The following CRISPLD2 variants were observed in gnomAD, a reference collection of about 807,000 sequenced individuals.
CRISPLD2 encodes cysteine-rich secretory protein LCCL domain-containing 2.
A neutral mutation model predicts 71.1 loss-of-function variants in CRISPLD2; 47 were observed. The observed-to-expected ratio is 0.66, with a 90% CI of 0.52 to 0.84. The LOEUF is 0.84. CRISPLD2 is among the 40% of genes least tolerant of loss of function. CRISPLD2 has a pLI of 0.00. For synonymous variants in CRISPLD2, 317 were observed against 250.1 expected (o/e 1.27, Z -2.52); for missense variants, 830 against 651.1 (o/e 1.27, Z -2.99).
intron 6 of CRISPLD2, among the ~76,000 whole-genome samples, chr16:84,862,457 G>A (rs1210586844): frequency 6.6e-6 from 1 of 152,108 alleles, no homozygotes; most frequent in Non-Finnish European, 1.5e-5. Context: ...GCCTCCCAAA[G>A]AGCTGGGATT....
intron 4 of CRISPLD2, 43 bp downstream of exon 4, chr16:84,849,560 C>G: frequency 1.3e-6 from 2 of 1,597,840 alleles, no homozygotes; most frequent in Non-Finnish European, 1.7e-6. Flanking sequence ...GCCCCCCAAT[C>G]CCAGTCATTC....
chr16:84,892,542 G>A (rs529725923), intron 14 of CRISPLD2, among the ~76,000 whole-genome samples: 2 of 152,174 alleles, frequency 1.3e-5, no homozygotes, highest in Non-Finnish European at 2.9e-5. Flanking sequence ...GAGTTGTCCA[G>A]TACAGTAGCC....
At position 84,867,035 on chromosome 16, in the gene CRISPLD2, A is replaced by G. The variant is rs1917560198; in HGVS notation, c.848A>G (p.Tyr283Cys). The part of the protein sequence containing the change: ...TKPKKTSAVN[Y>C]MTQVVRCDTK... ...CCCAAGAAAACCTCTGCGGTCAACT[A>G]CATGAGTGAGTCTAGGCCGTCCTCC... The change falls in exon 7 of 15, where the codon TAC becomes TGC. Residue 283 changes from tyrosine to cysteine, a missense_variant. Transcript: ENST00000262424. 6.2e-7 allele frequency: 1 copy of G among 1,614,028 alleles called. No homozygotes were observed. The highest frequency in any genetic ancestry group is 8.5e-7 in the Non-Finnish European group (1 of 1,180,000).
chr16:84,872,951 G>A (rs777641847), intron 9 of CRISPLD2, 41 bp from the exon 10 acceptor site: 2 of 1,575,774 alleles, frequency 1.3e-6, no homozygotes, highest in African/African-American at 2.7e-5. Context: ...GCTGACAGAG[G>A]TTGAGAATGT....
intron 5 of CRISPLD2, among the ~76,000 whole-genome samples, chr16:84,853,574 G>T (rs768804666): frequency 6.6e-6 from 1 of 152,200 alleles, no homozygotes; most frequent in Non-Finnish European, 1.5e-5. Context: ...TTCTGGGGCC[G>T]CGGGAAGTTC....
chr16:84,889,418 C>T (rs2071641938), intron 14 of CRISPLD2, 55 bp downstream of exon 14: 1 of 1,560,980 alleles, frequency 6.4e-7, no homozygotes, highest in Non-Finnish European at 8.7e-7. Flanking sequence ...AATGGTCCCT[C>T]AGGGGGCCTG....
At chr16:84,887,422 G>A (rs769461695) in intron 13 of CRISPLD2, among the ~76,000 whole-genome samples, 7 of 152,214 alleles carry the variant, frequency 4.6e-5, no homozygotes, top group African/African-American at 7.2e-5. Context: ...AGGCAAGACC[G>A]GAGTCCGTCT....
chr16:84,837,433 C>T (rs12445770), intron 1 of CRISPLD2, among the ~76,000 whole-genome samples: 16,752 of 50,140 alleles, frequency 0.33, 1,615 homozygotes, highest in Middle Eastern at 0.47. Flanking sequence ...TTTTTTTTTT[C>T]TGAGACGGAG....
In CRISPLD2 at chr16:84,838,397, C is replaced by T. The variant is rs1403140913; in HGVS notation, c.-74-25C>T. 4.8e-6 allele frequency: 7 copies of T among 1,470,674 alleles called. No individual in the cohort carries two copies. The East Asian group carries it at 1.4e-4, about 29-fold the overall frequency. The allele number at this position is 1,470,674 out of a possible 1,614,324, so 91.1% of individuals were successfully genotyped here. A position where few individuals can be genotyped will look rare whatever the true frequency, so the allele number is the denominator to read the frequency against. On this transcript the variant is annotated intron_variant, in intron 1 of 14. Transcript: ENST00000262424. The stretch of plus-strand genomic sequence containing the variant: ...ACCGGCTCCTACTAATGCGACTTCT[C>T]CCACCACCCTCTGCTTCCTTTCAGA...
intron 14 of CRISPLD2, among the ~76,000 whole-genome samples, chr16:84,896,000 C>T (rs1312018881): frequency 6.6e-6 from 1 of 151,270 alleles, no homozygotes; most frequent in African/African-American, 2.4e-5. Context: ...CCTGAGGGAT[C>T]AATAGAGGGG....
At chr16:84,868,139 C>A (rs1333699037) in intron 7 of CRISPLD2, among the ~76,000 whole-genome samples, 2 of 152,186 alleles carry the variant, frequency 1.3e-5, no homozygotes, top group African/African-American at 4.8e-5. Context: ...TAACTACCAT[C>A]TCCCCTGCCC....
chr16:84,864,302 G>T (rs1199999986), intron 6 of CRISPLD2, among the ~76,000 whole-genome samples: 2 of 152,240 alleles, frequency 1.3e-5, no homozygotes, highest in Non-Finnish European at 2.9e-5. Context: ...ATTTGTGGGT[G>T]TGAGAGCCAG....
intron 6 of CRISPLD2, among the ~76,000 whole-genome samples, chr16:84,866,327 G>A (rs1264606589): frequency 3.3e-5 from 5 of 151,054 alleles, no homozygotes; most frequent in African/African-American, 9.7e-5. Flanking sequence ...TCCACCTACC[G>A]GCTTCAAGCG....
In CRISPLD2 at chr16:84,905,856, C is replaced by A. The variant is rs180845415; in HGVS notation, c.1440-732C>A. Among the ~76,000 whole-genome samples, 11 of 151,810 alleles carry A rather than the reference C, an allele frequency of 7.2e-5. 1 individual carries two copies. The highest frequency in any genetic ancestry group is 7.2e-4 in the Admixed American group (11 of 15,220). ...TCCCGAGTAGCTGGGATTACAGGCGCCTGCCACCACATCCGGCTAATTTTT... is the reference window on the plus strand; with the variant it reads ...TCCCGAGTAGCTGGGATTACAGGCGACTGCCACCACATCCGGCTAATTTTT... On this transcript the variant is annotated intron_variant, in intron 14 of 14. Coordinates refer to ENST00000262424, the MANE Select transcript of CRISPLD2 (RefSeq NM_031476.4).
chr16:84,867,729 G>T (rs1917580575), intron 7 of CRISPLD2, among the ~76,000 whole-genome samples: 1 of 152,160 alleles, frequency 6.6e-6, no homozygotes, highest in Non-Finnish European at 1.5e-5. Context: ...ACTATGCCCA[G>T]CTAATTTTTG....
At chr16:84,881,340 A>T (rs1030496282) in intron 13 of CRISPLD2, among the ~76,000 whole-genome samples, 1 of 152,230 alleles carries the variant, frequency 6.6e-6, no homozygotes, top group African/African-American at 2.4e-5. Flanking sequence ...CTCTGGTTAT[A>T]CCAATCTCTT....
chr16:84,836,769 C>A (rs1916631786), intron 1 of CRISPLD2, among the ~76,000 whole-genome samples: 1 of 152,222 alleles, frequency 6.6e-6, no homozygotes, highest in African/African-American at 2.4e-5. Context: ...TGCCACTGTC[C>A]CAGCCAACTT....
rs536961372 is a variant in CRISPLD2 at position 84,835,328 on chromosome 16, A to C, written c.-74-3094A>C. Among the ~76,000 whole-genome samples the C allele has an allele frequency of 2.0e-5, 3 of 152,012 alleles. No homozygotes were observed. The East Asian group carries it at 5.8e-4, about 29-fold the overall frequency. On this transcript the variant is annotated intron_variant, in intron 1 of 14. Transcript: ENST00000262424. The stretch of plus-strand genomic sequence containing the variant: ...TGGTGTCGAACTTCTCAGGTGATCC[A>C]CCTGCCTCGGCCTCCCAAAGTGCTG...
chr16:84,821,483 G>A (rs1916229781), intron 1 of CRISPLD2, among the ~76,000 whole-genome samples: 1 of 152,186 alleles, frequency 6.6e-6, no homozygotes, highest in Non-Finnish European at 1.5e-5. Context: ...TCACAGCTGA[G>A]GAAACTGAGG....
Sources: gnomAD v4.1 joint callset for allele counts (sites outside exome capture counted in the v4.1 genomes callset) on GRCh38, gnomAD v4.1.1 for gene constraint, MANE v1.5 for transcripts, NCBI Gene and HGNC (gene_info 2026-07-23, HGNC 2026-07-21) for gene names.